Variants in RRAGD observed in about 807,000 individuals in gnomAD.
RRAGD encodes the protein ras-related GTP-binding protein D.
Under a neutral mutation model 35.5 loss-of-function variants are expected in RRAGD, and 12 were observed. The ratio of observed to expected loss-of-function variants is 0.34; its 90% confidence interval spans 0.22 to 0.55. The LOEUF (loss-of-function observed/expected upper bound fraction) is 0.55, where lower values mean the gene tolerates loss of function less well. Ranked by LOEUF, RRAGD falls within the 20% of genes least tolerant of loss-of-function variation. The pLI, the probability that RRAGD is intolerant of heterozygous loss-of-function variation, is 0.91. For missense variants in RRAGD, 324 were observed against 490.1 expected (o/e 0.66, Z 3.20); for synonymous variants, 155 against 178.9 (o/e 0.87, Z 1.07).
rs10715442 is a variant in RRAGD, at chr6:89,403,627, C to CT, written c.148+8218dup. On this transcript the variant is annotated intron_variant, in intron 1 of 6. Coordinates refer to ENST00000369415, the MANE Select transcript of RRAGD (RefSeq NM_021244.5). ...AGACTTCCTGATTGGTTTTCTTTTT[C>CT]TTTTTTTTTTTTTTTTTTTGAGAGA... Among the ~76,000 whole-genome samples, 492 of 116,436 alleles carry CT rather than the reference C, an allele frequency of 4.2e-3. 3 individuals are homozygous for CT. Among genetic ancestry groups the CT allele is most frequent in the South Asian group, 5.2e-3 (19 of 3,622 alleles). 76.4% of individuals were successfully genotyped at this position (116,436 alleles called of 152,430 possible). A position where few individuals can be genotyped will look rare whatever the true frequency, so the allele number is the denominator to read the frequency against.
intron 1 of RRAGD, among the ~76,000 whole-genome samples, chr6:89,391,798 A>G (rs1033626412): frequency 8.5e-5 from 13 of 152,052 alleles, no homozygotes; most frequent in African/African-American, 2.9e-4. Context: ...ACAAAAAAAA[A>G]TGCTAAAAAT....
In RRAGD at chr6:89,385,804, CA is replaced by C. The variant is rs552129046; in HGVS notation, c.444+1490del. Among the ~76,000 whole-genome samples the C allele has an allele frequency of 3.8e-3, 576 of 152,276 alleles. 7 individuals are homozygous for C. The highest frequency in any genetic ancestry group is 0.013 in the African/African-American group (524 of 41,554). On this transcript the variant is annotated intron_variant, in intron 2 of 6. Transcript: ENST00000369415. ...ATGCTCCCACAGCCATACACGTACA[CA>C]AATGCAGCCACTTGGAACTGAGAGG...
intron 1 of RRAGD, among the ~76,000 whole-genome samples, chr6:89,389,039 G>A (rs563653585): frequency 3.9e-5 from 6 of 152,080 alleles, no homozygotes; most frequent in East Asian, 1.9e-4. Flanking sequence ...ACGAAACTTC[G>A]CTTGCTCCCC....
intron 1 of RRAGD, among the ~76,000 whole-genome samples, chr6:89,410,900 T>A (rs901027892): frequency 6.6e-6 from 1 of 152,234 alleles, no homozygotes; most frequent in Non-Finnish European, 1.5e-5. Context: ...CTTGGATGCA[T>A]ACAGTTTCAC....
chr6:89,387,878 C>G (rs992595407), intron 1 of RRAGD, among the ~76,000 whole-genome samples: 1 of 152,060 alleles, frequency 6.6e-6, no homozygotes, highest in Admixed American at 6.6e-5. Context: ...GGAGGCCAGA[C>G]ACCAATATAA....
At chr6:89,405,238 C>T (rs749160681) in intron 1 of RRAGD, among the ~76,000 whole-genome samples, 1 of 150,884 alleles carries the variant, frequency 6.6e-6, no homozygotes, top group Non-Finnish European at 1.5e-5. Flanking sequence ...CCTGTAGTCC[C>T]AGCTGCTGGG....
chr6:89,385,824 T>C (rs1351190697), intron 2 of RRAGD, among the ~76,000 whole-genome samples: 1 of 152,168 alleles, frequency 6.6e-6, no homozygotes, highest in African/African-American at 2.4e-5. Flanking sequence ...CACTTGGAAC[T>C]GAGAGGCTTA....
intron 5 of RRAGD, among the ~76,000 whole-genome samples, chr6:89,374,374 A>G (rs1768899449): frequency 6.6e-6 from 1 of 152,166 alleles, no homozygotes; most frequent in Non-Finnish European, 1.5e-5. Flanking sequence ...GCACAAGAGT[A>G]TTTTTAGGAA....
chr6:89,388,115 G>A (rs368356516), intron 1 of RRAGD, among the ~76,000 whole-genome samples: 20 of 152,186 alleles, frequency 1.3e-4, no homozygotes, highest in Admixed American at 3.3e-4. Flanking sequence ...ACTAGATGTC[G>A]CAGGTTTGGA....
chr6:89,378,514 A>C (rs1768986736), intron 4 of RRAGD, among the ~76,000 whole-genome samples: 1 of 152,216 alleles, frequency 6.6e-6, no homozygotes. Flanking sequence ...GAGTATAACC[A>C]ATAGGTCTGC....
At chr6:89,374,819 A>G (rs1222977777) in intron 5 of RRAGD, among the ~76,000 whole-genome samples, 1 of 152,204 alleles carries the variant, frequency 6.6e-6, no homozygotes, top group Non-Finnish European at 1.5e-5. Flanking sequence ...ACATTAAAGA[A>G]AAACCTTTTA....
chr6:89,411,744 C>G lies in RRAGD; in HGVS notation c.148+102G>C. On this transcript the variant is annotated intron_variant, in intron 1 of 6. Transcript: ENST00000369415. This position sits in a 1 kb window ranked among gnomAD's most constrained non-coding sequence, Gnocchi z 5.6. ...CCTCAACTGGACCCGCTCCCCTGGA[C>G]CCCCTCCAAGTCGGTGGCTCGCGCA... The G allele has an allele frequency of 7.7e-7, 1 of 1,297,558 alleles. No homozygotes were observed. Among genetic ancestry groups the G allele is most frequent in the East Asian group, 2.8e-5 (1 of 36,134 alleles). 80.4% of individuals were successfully genotyped at this position (1,297,558 alleles called of 1,614,324 possible).
chr6:89,410,405 T>G (rs1355068091), intron 1 of RRAGD, among the ~76,000 whole-genome samples: 3 of 152,102 alleles, frequency 2.0e-5, no homozygotes, highest in Non-Finnish European at 1.5e-5. Context: ...AGCTAACAAA[T>G]GGAATTTGAA....
chr6:89,382,794 T>A (rs1769070106), intron 2 of RRAGD, among the ~76,000 whole-genome samples: 3 of 151,870 alleles, frequency 2.0e-5, no homozygotes, highest in Non-Finnish European at 4.4e-5. Flanking sequence ...GAGAATTGCT[T>A]AAACCTGGGA....
intron 1 of RRAGD, among the ~76,000 whole-genome samples, chr6:89,396,652 C>A (rs1323220352): frequency 6.6e-6 from 1 of 150,818 alleles, no homozygotes; most frequent in Non-Finnish European, 1.5e-5. Context: ...CTCCTGGGCT[C>A]AAGCAATCCA....
chr6:89,404,137 C>A (rs1769534004), intron 1 of RRAGD, among the ~76,000 whole-genome samples: 1 of 152,050 alleles, frequency 6.6e-6, no homozygotes, highest in African/African-American at 2.4e-5. Flanking sequence ...TATTATATTC[C>A]AAAGGGGGCT....
chr6:89,372,357 C>T, intron 6 of RRAGD, 80 bp downstream of exon 6: 3 of 1,441,152 alleles, frequency 2.1e-6, no homozygotes, highest in Non-Finnish European at 2.8e-6. Context: ...CTGTTGTCCA[C>T]CCACATTCAA....
chr6:89,408,361 T>C (rs1051572525), intron 1 of RRAGD, among the ~76,000 whole-genome samples: 1 of 152,148 alleles, frequency 6.6e-6, no homozygotes, highest in Admixed American at 6.5e-5. Context: ...TTTAAAATTA[T>C]TTTAGGAAAA....
intron 5 of RRAGD, among the ~76,000 whole-genome samples, 167 bp from the exon 6 acceptor site, chr6:89,372,752 TAC>T (rs1237157203): frequency 6.6e-6 from 1 of 152,214 alleles, no homozygotes; most frequent in Non-Finnish European, 1.5e-5. Context: ...CACAAAAACA[TAC>T]ACAGTCCTCA....
Sources: allele counts gnomAD v4.1 joint callset (sites outside exome capture counted in the v4.1 genomes callset), GRCh38; gene constraint gnomAD v4.1.1; non-coding constraint Gnocchi (gnomAD v3.1); transcripts MANE v1.5; gene names NCBI Gene and HGNC (gene_info 2026-07-23, HGNC 2026-07-21).